Variants in ZC3H11A observed in about 807,000 individuals in gnomAD.
ZC3H11A encodes zinc finger CCCH-type containing 11A, also known as zinc finger CCCH domain-containing protein 11A.
Under a neutral mutation model 90.8 loss-of-function variants are expected in ZC3H11A, and 22 were observed. That is an observed-to-expected ratio of 0.24 (90% CI 0.17 to 0.35). The LOEUF is 0.35. Among genes scored for constraint, ZC3H11A ranks in the 10% least tolerant of loss-of-function variants. ZC3H11A has a pLI of 1.00. For missense variants in ZC3H11A, 701 were observed against 964.9 expected (o/e 0.73, Z 3.62); for synonymous variants, 294 against 339.8 (o/e 0.87, Z 1.48).
chr1:203,826,657 CTCTG>C (rs1242815542), intron 4 of ZC3H11A, among the ~76,000 whole-genome samples: 2 of 152,050 alleles, frequency 1.3e-5, no homozygotes, highest in African/African-American at 2.4e-5. Context: ...GTTATTGTTT[CTCTG>C]TCTCTCTTCT....
intron 2 of ZC3H11A, chr1:203,805,515 T>C (rs550240379): frequency 5.0e-5 from 24 of 481,016 alleles, no homozygotes; most frequent in South Asian, 3.7e-4. Context: ...AATTAAACTT[T>C]CCTTCAAAGA....
chr1:203,846,032 TTTGA>T (rs1161580533), intron 12 of ZC3H11A, among the ~76,000 whole-genome samples: 1 of 150,338 alleles, frequency 6.7e-6, no homozygotes, highest in Non-Finnish European at 1.5e-5. Flanking sequence ...ATCCCAGCAC[TTTGA>T]TTGGCTGAGG....
At chr1:203,827,776 A>G (rs1278822478) in intron 4 of ZC3H11A, among the ~76,000 whole-genome samples, 1 of 152,166 alleles carries the variant, frequency 6.6e-6, no homozygotes, top group Admixed American at 6.5e-5. Context: ...ATGAATGGGA[A>G]GAATTTTCTC....
chr1:203,850,336 C>A (rs2103453474), intron 15 of ZC3H11A, 179 bp from the exon 16 acceptor site: 1 of 860,328 alleles, frequency 1.2e-6, no homozygotes, highest in East Asian at 2.5e-5. Context: ...TACATGGTGA[C>A]CACCTGTAGT....
At chr1:203,797,415 A>G (rs746580216) in intron 1 of ZC3H11A, 6 of 1,129,666 alleles carry the variant, frequency 5.3e-6, no homozygotes, top group Non-Finnish European at 7.2e-6. Flanking sequence ...TTGATTCCCC[A>G]TAGAAACTGG....
intron 8 of ZC3H11A, among the ~76,000 whole-genome samples, chr1:203,830,419 G>A (rs1681868127): frequency 6.6e-6 from 1 of 152,186 alleles, no homozygotes; most frequent in African/African-American, 2.4e-5. Context: ...TAAAGAATCT[G>A]AAAGAACTTG....
chr1:203,840,954 C>T (rs1685934040), intron 12 of ZC3H11A, among the ~76,000 whole-genome samples: 1 of 151,996 alleles, frequency 6.6e-6, no homozygotes, highest in African/African-American at 2.4e-5. Context: ...AAATTAGAAA[C>T]AACTTAAATA....
intron 12 of ZC3H11A, 39 bp from the exon 13 acceptor site, chr1:203,847,145 C>T (rs1201030237): frequency 1.2e-6 from 2 of 1,604,474 alleles, no homozygotes; most frequent in Non-Finnish European, 8.5e-7. Flanking sequence ...AAGAGATGAA[C>T]TTCAAGTATA....
chr1:203,835,807 G>A (rs552365708), intron 10 of ZC3H11A: 94 of 241,402 alleles, frequency 3.9e-4, no homozygotes, highest in Non-Finnish European at 6.3e-4. Context: ...GTTTCATCTG[G>A]GGCATAAACA....
In ZC3H11A at chr1:203,850,933, G is replaced by A. The variant is rs969767791; in HGVS notation, c.2107-124G>A. On this transcript the variant is annotated intron_variant, in intron 16 of 17. Transcript: ENST00000367210. ...TTATATACTCAACCTTTAGATTATCGATTCTTAGATTCACAGGCTTAAAGA... is the reference window on the plus strand; with the variant it reads ...TTATATACTCAACCTTTAGATTATCAATTCTTAGATTCACAGGCTTAAAGA... 9 of 1,264,080 alleles carry A rather than the reference G, an allele frequency of 7.1e-6. No homozygotes were observed. The East Asian group carries it at 9.3e-5, about 13-fold the overall frequency. 78.3% of individuals were successfully genotyped at this position (1,264,080 alleles called of 1,614,324 possible).
chr1:203,821,921 C>G (rs12123505), intron 4 of ZC3H11A, among the ~76,000 whole-genome samples: 95,201 of 151,858 alleles, frequency 0.63, 30,983 homozygotes, highest in Middle Eastern at 0.73. Flanking sequence ...CCACGCCCGG[C>G]TAATTTTTTG....
intron 4 of ZC3H11A, among the ~76,000 whole-genome samples, chr1:203,820,626 C>T (rs897277846): frequency 6.6e-6 from 1 of 151,956 alleles, no homozygotes; most frequent in Non-Finnish European, 1.5e-5. Context: ...AACGGGCATG[C>T]CTCACCACAC....
At chr1:203,838,946 C>G (rs1207786532) in intron 11 of ZC3H11A, among the ~76,000 whole-genome samples, 3 of 99,748 alleles carry the variant, frequency 3.0e-5, no homozygotes, top group African/African-American at 1.2e-4. Context: ...CCGAGTGAGA[C>G]TTCATCTCAA....
At chr1:203,805,741 T>TG (rs1463365607) in intron 2 of ZC3H11A, 2 of 669,180 alleles carry the variant, frequency 3.0e-6, no homozygotes, top group Non-Finnish European at 5.7e-6. Context: ...ATAGAACTCT[T>TG]GGTCAGCCAC....
At chr1:203,831,288 C>A (rs1330041036) in intron 8 of ZC3H11A, among the ~76,000 whole-genome samples, 2 of 151,958 alleles carry the variant, frequency 1.3e-5, no homozygotes, top group Non-Finnish European at 2.9e-5. Flanking sequence ...TTTATAGCAA[C>A]CTTGGAGTTG....
At chr1:203,798,875 C>A (rs750464914) in intron 1 of ZC3H11A, 3 of 1,535,950 alleles carry the variant, frequency 2.0e-6, no homozygotes, top group South Asian at 1.2e-5. Flanking sequence ...CAGAGACTTA[C>A]TTTTTCACTA....
Position 203,831,750 on chromosome 1 carries a change from G to C in ZC3H11A, c.790G>C (p.Val264Leu), listed in dbSNP as rs1682448264. 6.2e-7 allele frequency: 1 copy of C among 1,612,276 alleles called. No individual in the cohort carries two copies. Reference protein sequence around the residue: ...KENVRTVVRTVTLSTKQGEEP... With the variant: ...KENVRTVVRTLTLSTKQGEEP... The stretch of plus-strand genomic sequence containing the variant: ...AAATGTCAGGACTGTGGTGAGGACA[G>C]TAACTCTCTCCACCAAACAAGGTAA... The change falls in exon 9 of 18, where the codon GTA (valine) becomes CTA (leucine). Residue 264 changes from valine to leucine, a missense_variant. By Grantham distance (32) the Val-to-Leu change is conservative. Coordinates refer to ENST00000367210, the MANE Select transcript of ZC3H11A (RefSeq NM_001376342.1).
intron 10 of ZC3H11A, among the ~76,000 whole-genome samples, chr1:203,835,159 G>A (rs898359307): frequency 2.0e-5 from 3 of 152,156 alleles, no homozygotes; most frequent in African/African-American, 7.2e-5. Flanking sequence ...TGCACTTTAC[G>A]CTCTAAGTAA....
At chr1:203,808,252 T>C (rs528552724) in intron 2 of ZC3H11A, among the ~76,000 whole-genome samples, 2 of 152,344 alleles carry the variant, frequency 1.3e-5, no homozygotes, top group African/African-American at 2.4e-5. Context: ...CTTTACATTC[T>C]GGATGAATAG....
Sources: allele counts gnomAD v4.1 joint callset (sites outside exome capture counted in the v4.1 genomes callset), GRCh38; gene constraint gnomAD v4.1.1; transcripts MANE v1.5; gene names NCBI Gene and HGNC (gene_info 2026-07-23, HGNC 2026-07-21).